Variants in XNDC1N observed in about 807,000 individuals in gnomAD.
XNDC1N encodes the protein XRCC1 N-terminal domain containing 1, N-terminal like, also known as protein XNDC1N.
the XNDC1N span, among the ~76,000 whole-genome samples, chr11:71,898,214 GAAA>G: frequency 6.9e-6 from 1 of 144,862 alleles, no homozygotes; most frequent in Admixed American, 6.9e-5. Flanking sequence ...AAAACCAAAT[GAAA>G]AAAAAAACAA....
At chr11:71,867,178 T>G in the XNDC1N span, among the ~76,000 whole-genome samples, 228 of 147,286 alleles carry the variant, frequency 1.5e-3, 2 homozygotes, top group South Asian at 0.028. Context: ...CAAAAAAAAT[T>G]GAATAATCAC....
chr11:71,871,131 G>A, the XNDC1N span, among the ~76,000 whole-genome samples: 3 of 152,178 alleles, frequency 2.0e-5, no homozygotes, highest in African/African-American at 7.2e-5. Flanking sequence ...ATCAACCTAA[G>A]TGTCTATCAA....
chr11:71,903,103 A>C, the XNDC1N span: 1 of 597,512 alleles, frequency 1.7e-6, no homozygotes, highest in South Asian at 1.7e-5. Flanking sequence ...TTCTATCCAA[A>C]ATGCAGACAC....
chr11:71,912,209 G>A, the XNDC1N span, among the ~76,000 whole-genome samples: 16 of 152,334 alleles, frequency 1.1e-4, no homozygotes, highest in South Asian at 2.1e-4. Flanking sequence ...CGGCATACGA[G>A]CTTATGGAGC....
At chr11:71,911,321 C>T in the XNDC1N span, among the ~76,000 whole-genome samples, 4 of 152,330 alleles carry the variant, frequency 2.6e-5, no homozygotes, top group Admixed American at 6.5e-5. Flanking sequence ...GCCTACACCC[C>T]GCCACCTTGC....
chr11:71,914,172 T>C, the XNDC1N span, among the ~76,000 whole-genome samples: 1 of 152,150 alleles, frequency 6.6e-6, no homozygotes, highest in Admixed American at 6.6e-5. Context: ...TAAGGCTATA[T>C]TTGCCATATA....
the XNDC1N span, chr11:71,865,704 A>C: frequency 3.4e-6 from 1 of 296,764 alleles, no homozygotes; most frequent in East Asian, 1.0e-4. Context: ...GTTCAGGGAC[A>C]GACAATAAAA....
At chr11:71,921,131 A>G in the XNDC1N span, among the ~76,000 whole-genome samples, 2 of 152,104 alleles carry the variant, frequency 1.3e-5, no homozygotes, top group African/African-American at 4.8e-5. Flanking sequence ...AGCTGGGACT[A>G]CAGGTGTGTG....
At chr11:71,925,404 G>A in the XNDC1N span, among the ~76,000 whole-genome samples, 1 of 152,146 alleles carries the variant, frequency 6.6e-6, no homozygotes, top group East Asian at 1.9e-4. Flanking sequence ...TGCAGCAATA[G>A]CAGTAACAAG....
the XNDC1N span, chr11:71,915,991 G>T: frequency 4.5e-6 from 3 of 660,310 alleles, no homozygotes; most frequent in African/African-American, 5.4e-5. Flanking sequence ...GTGTGTCTAT[G>T]TCTCAAACAA....
At chr11:71,887,973 C>A in the XNDC1N span, among the ~76,000 whole-genome samples, 1 of 152,162 alleles carries the variant, frequency 6.6e-6, no homozygotes, top group African/African-American at 2.4e-5. Context: ...TACACTTGGA[C>A]CGGGCTTCCC....
the XNDC1N span, among the ~76,000 whole-genome samples, chr11:71,879,157 C>T: frequency 6.6e-6 from 1 of 152,100 alleles, no homozygotes; most frequent in Non-Finnish European, 1.5e-5. Context: ...GGTGGATGCT[C>T]CACCATAATC....
At chr11:71,905,993 C>T in the XNDC1N span, among the ~76,000 whole-genome samples, 4 of 151,784 alleles carry the variant, frequency 2.6e-5, no homozygotes, top group East Asian at 1.9e-4. Flanking sequence ...CAATATCACA[C>T]GGTGTACACC....
chr11:71,877,607 C>G, the XNDC1N span, among the ~76,000 whole-genome samples: 7 of 152,180 alleles, frequency 4.6e-5, no homozygotes, highest in African/African-American at 1.7e-4. Context: ...CACTGCGCTC[C>G]AGCCTGGGCA....
At chr11:71,922,961 G>A in the XNDC1N span, among the ~76,000 whole-genome samples, 3 of 152,182 alleles carry the variant, frequency 2.0e-5, no homozygotes, top group African/African-American at 7.2e-5. Flanking sequence ...ACAGGTCTGG[G>A]ATTACCTCAA....
At chr11:71,871,790 G>C in the XNDC1N span, among the ~76,000 whole-genome samples, 8 of 152,126 alleles carry the variant, frequency 5.3e-5, no homozygotes, top group African/African-American at 1.9e-4. Flanking sequence ...TTAGTGAAAT[G>C]CAAATTAAAA....
At chr11:71,913,918 A>G in the XNDC1N span, among the ~76,000 whole-genome samples, 2 of 152,334 alleles carry the variant, frequency 1.3e-5, no homozygotes, top group South Asian at 4.1e-4. Context: ...ATGACAGCAC[A>G]TCAGTTTACA....
At chr11:71,901,336 C>A in the XNDC1N span, among the ~76,000 whole-genome samples, 4 of 152,108 alleles carry the variant, frequency 2.6e-5, no homozygotes, top group Non-Finnish European at 4.4e-5. Context: ...CCGTGGCTCA[C>A]GCCTGTAATC....
chr11:71,923,130 C>T, the XNDC1N span, among the ~76,000 whole-genome samples: 1 of 152,294 alleles, frequency 6.6e-6, no homozygotes, highest in African/African-American at 2.4e-5. Flanking sequence ...ACTTCTTTTG[C>T]GCATCCTGCA....
Sources: allele counts gnomAD v4.1 joint callset (sites outside exome capture counted in the v4.1 genomes callset), GRCh38; gene constraint gnomAD v4.1.1; transcripts MANE v1.5; gene names NCBI Gene and HGNC (gene_info 2026-07-23, HGNC 2026-07-21).